CREB5: variants seen among roughly 807,000 people sequenced by gnomAD.
The protein encoded by CREB5 is cAMP responsive element binding protein 5.
A neutral mutation model predicts 57.1 loss-of-function variants in CREB5; 19 were observed. The ratio of observed to expected loss-of-function variants is 0.33; its 90% CI spans 0.23 to 0.49. The LOEUF is 0.49. Ranked by LOEUF, CREB5 falls within the 20% of genes least tolerant of loss-of-function variation. The pLI, the probability that CREB5 is intolerant of heterozygous loss-of-function variation, is 0.99. For synonymous variants in CREB5, 238 were observed against 238.3 expected (o/e 1.00, Z 0.01); for missense variants, 579 against 671.6 (o/e 0.86, Z 1.52).
At position 28,337,935 on chromosome 7, in the gene CREB5, C is replaced by T. The variant is rs772146798; in HGVS notation, c.-25+38494C>T. On this transcript the variant is annotated intron_variant, in intron 1 of 9. Transcript: ENST00000396299. ...ATATCTTATAATTCATTACTTTAAA[C>T]TGATGACAACTTAATAATGACTGCA... Among the ~76,000 whole-genome samples, 22 of 152,166 alleles carry T rather than the reference C, an allele frequency of 1.4e-4. 1 individual carries two copies. The highest frequency in any genetic ancestry group is 7.4e-5 in the Non-Finnish European group (5 of 67,932).
intron 1 of CREB5, among the ~76,000 whole-genome samples, chr7:28,456,171 A>G (rs1583484695): frequency 1.3e-5 from 2 of 152,336 alleles, no homozygotes; most frequent in South Asian, 2.1e-4. Flanking sequence ...TAGAGTTTAC[A>G]TCCTCCTCTT....
At chr7:28,464,810 TATG>T (rs1790498391) in intron 1 of CREB5, among the ~76,000 whole-genome samples, 1 of 152,162 alleles carries the variant, frequency 6.6e-6, no homozygotes, top group Non-Finnish European at 1.5e-5. Flanking sequence ...GTTCATGCCT[TATG>T]ATAATAGCTG....
At chr7:28,787,577 T>C (rs1460818182) in intron 7 of CREB5, among the ~76,000 whole-genome samples, 1 of 152,210 alleles carries the variant, frequency 6.6e-6, no homozygotes, top group African/African-American at 2.4e-5. Context: ...CTTTTGTCGT[T>C]GTTTTTTGAG....
intron 5 of CREB5, among the ~76,000 whole-genome samples, chr7:28,611,187 G>C (rs1239190976): frequency 6.6e-6 from 1 of 152,062 alleles, no homozygotes; most frequent in Non-Finnish European, 1.5e-5. Context: ...TGAGGCAACA[G>C]GTCTCCCCTG....
chr7:28,663,849 A>C (rs1302034709), intron 5 of CREB5, among the ~76,000 whole-genome samples: 1 of 152,034 alleles, frequency 6.6e-6, no homozygotes, highest in Non-Finnish European at 1.5e-5. Flanking sequence ...GACTTCTTTC[A>C]TGTGCTTTAG....
chr7:28,320,998 A>G (rs761529086), intron 1 of CREB5, among the ~76,000 whole-genome samples: 24 of 152,206 alleles, frequency 1.6e-4, no homozygotes, highest in Non-Finnish European at 2.9e-4. Context: ...TGGCTCTGCC[A>G]CTGACTACCT....
At chr7:28,343,264 A>T (rs888863683) in intron 1 of CREB5, among the ~76,000 whole-genome samples, 4 of 152,190 alleles carry the variant, frequency 2.6e-5, no homozygotes, top group Admixed American at 2.0e-4. Context: ...CTTTATCATT[A>T]ACTGGAATCA....
At chr7:28,410,522 T>A, upstream of CREB5, 2 of 456,652 alleles carry the variant, frequency 4.4e-6, no homozygotes, top group Non-Finnish European at 8.8e-6. Context: ...TGCCATAGAT[T>A]TATTTTTAAG....
At chr7:28,613,110 A>G (rs1797459230) in intron 5 of CREB5, among the ~76,000 whole-genome samples, 1 of 152,162 alleles carries the variant, frequency 6.6e-6, no homozygotes, top group South Asian at 2.1e-4. Flanking sequence ...CTACAGAGGA[A>G]AGCAGTTTCA....
chr7:28,360,600 C>A (rs1228747393), intron 1 of CREB5, among the ~76,000 whole-genome samples: 1 of 151,982 alleles, frequency 6.6e-6, no homozygotes, highest in East Asian at 1.9e-4. Context: ...TCAAAGGGTA[C>A]AATATTTCAG....
intron 4 of CREB5, chr7:28,513,402 G>A (rs768949268): frequency 6.6e-6 from 1 of 151,778 alleles, no homozygotes; most frequent in African/African-American, 2.4e-5. Context: ...AAATGTCCCC[G>A]TGTTTGCTTA....
In CREB5 at chr7:28,673,657, C is replaced by CTTTTT. The variant is rs549391329; in HGVS notation, c.465-45071_465-45067dup. 1.5e-3 allele frequency among the ~76,000 whole-genome samples: 85 copies of CTTTTT among 55,766 alleles called. 1 individual carries two copies. The highest frequency in any genetic ancestry group is 2.2e-3 in the Non-Finnish European group (71 of 31,914). The allele number at this position is 55,766 out of a possible 152,430, so 36.6% of individuals were successfully genotyped here. A position where few individuals can be genotyped will look rare whatever the true frequency, so the allele number is the denominator to read the frequency against. ...GTTGACATGAAGTTTCTCTCTCTCT[C>CTTTTT]TTTTTTTTTTTTTTTTTTTTTTTTT... is the stretch of plus-strand genomic sequence containing the variant. On this transcript the variant is annotated intron_variant, in intron 5 of 10. Transcript: ENST00000357727.
At chr7:28,639,017 T>C (rs1363226402) in intron 5 of CREB5, among the ~76,000 whole-genome samples, 1 of 152,218 alleles carries the variant, frequency 6.6e-6, no homozygotes, top group East Asian at 1.9e-4. Flanking sequence ...AAAAGTCTTT[T>C]TAATGAAATA....
chr7:28,742,916 G>A (rs1804455547), intron 7 of CREB5, among the ~76,000 whole-genome samples: 1 of 152,080 alleles, frequency 6.6e-6, no homozygotes, highest in Non-Finnish European at 1.5e-5. Flanking sequence ...CTGAGTAGCT[G>A]GGATTACAGG....
At chr7:28,733,783 A>G (rs1388294831) in intron 7 of CREB5, among the ~76,000 whole-genome samples, 1 of 152,230 alleles carries the variant, frequency 6.6e-6, no homozygotes, top group Non-Finnish European at 1.5e-5. Flanking sequence ...CTAGGTGCCC[A>G]GTAAACATTT....
chr7:28,491,715 G>A (rs1014761536), intron 2 of CREB5, among the ~76,000 whole-genome samples: 3 of 152,162 alleles, frequency 2.0e-5, no homozygotes, highest in African/African-American at 7.2e-5. Context: ...AGAAAATGTA[G>A]CAGTCACCCA....
intron 1 of CREB5, among the ~76,000 whole-genome samples, chr7:28,300,590 A>T (rs913195407): frequency 3.9e-5 from 6 of 152,222 alleles, no homozygotes; most frequent in African/African-American, 1.4e-4. Flanking sequence ...ATACACATTT[A>T]AACAAAAATC....
chr7:28,580,557 TG>T (rs1236996261), intron 5 of CREB5, among the ~76,000 whole-genome samples: 14 of 56,516 alleles, frequency 2.5e-4, no homozygotes, highest in Middle Eastern at 9.1e-3. Context: ...TTTGGCAAAT[TG>T]GTGTGTGTGT....
intron 5 of CREB5, among the ~76,000 whole-genome samples, chr7:28,619,803 T>C (rs917152860): frequency 6.6e-6 from 1 of 152,196 alleles, no homozygotes; most frequent in Non-Finnish European, 1.5e-5. Context: ...CAGAGGCTCA[T>C]AGGAAATAGC....
Sources: gnomAD v4.1 joint callset for allele counts (sites outside exome capture counted in the v4.1 genomes callset) on GRCh38, gnomAD v4.1.1 for gene constraint, MANE v1.5 for transcripts, NCBI Gene and HGNC (gene_info 2026-07-23, HGNC 2026-07-21) for gene names.